The following C11orf58 variants were observed in gnomAD, a reference collection of about 807,000 sequenced individuals.
C11orf58 encodes the protein chromosome 11 open reading frame 58.
Under a neutral mutation model 22.7 loss-of-function variants are expected in C11orf58, and 5 were observed. That is an observed-to-expected ratio of 0.22 (90% CI 0.12 to 0.46). The LOEUF is 0.46. Ranked by LOEUF, C11orf58 falls within the 20% of genes least tolerant of loss-of-function variation. C11orf58 has a pLI of 0.99. For missense variants in C11orf58, 151 were observed against 223.3 expected, an observed-to-expected ratio of 0.68 and a Z score of 2.06; for synonymous variants, 71 against 70.7, an observed-to-expected ratio of 1.00 and a Z score of -0.02.
At chr11:16,739,056 G>C (rs1328459742) in intron 1 of C11orf58, among the ~76,000 whole-genome samples, 9 of 152,120 alleles carry the variant, frequency 5.9e-5, no homozygotes. Context: ...GACCTGCGTA[G>C]GAAGGGGGAT....
chr11:16,741,284 A>G (rs1455746202), intron 1 of C11orf58, among the ~76,000 whole-genome samples: 2 of 152,178 alleles, frequency 1.3e-5, no homozygotes, highest in Non-Finnish European at 2.9e-5. Flanking sequence ...GAAAAACGCT[A>G]ACAATGTAGG....
chr11:16,754,383 T>G (rs971373819), intron 4 of C11orf58, among the ~76,000 whole-genome samples: 6 of 151,752 alleles, frequency 4.0e-5, no homozygotes, highest in Admixed American at 6.6e-5. Context: ...CAGGCTGGAA[T>G]GTAGTGGCAT....
intron 3 of C11orf58, 194 bp downstream of exon 3, chr11:16,748,351 C>A (rs1316097864): frequency 8.6e-6 from 4 of 464,582 alleles, no homozygotes; most frequent in Non-Finnish European, 1.6e-5. Flanking sequence ...TCACTTAAGC[C>A]CAGGAGTTTG....
intron 1 of C11orf58, among the ~76,000 whole-genome samples, chr11:16,742,266 A>G (rs1848454087): frequency 6.6e-6 from 1 of 152,210 alleles, no homozygotes. Flanking sequence ...GATCATGGAC[A>G]GTATGATGTG....
chr11:16,751,722 T>A (rs1848534840), intron 3 of C11orf58: 1 of 152,182 alleles, frequency 6.6e-6, no homozygotes, highest in South Asian at 2.1e-4. Flanking sequence ...AGCTGGCACA[T>A]GATCACCTAT....
rs987481205 is a variant in C11orf58, at chr11:16,757,464, G to C, written c.*2360G>C. Among the ~76,000 whole-genome samples the C allele has an allele frequency of 1.3e-5, 2 of 152,202 alleles. No individual in the cohort carries two copies. Among genetic ancestry groups the C allele is most frequent in the Non-Finnish European group, 2.9e-5 (2 of 68,026 alleles). On this transcript the variant is annotated 3_prime_UTR_variant, in exon 5 of 5. Transcript: ENST00000228136. ...TGGGTGCTAACAAAATTCAGGGTTA[G>C]AGTAAATTTAGGTCTGTTGGTCCAT...
In C11orf58 at chr11:16,744,511, GA is replaced by G. The variant is rs1365403759; in HGVS notation, c.64-83del. 6.3e-5 allele frequency: 64 copies of G among 1,009,966 alleles called. 1 individual carries two copies. Among genetic ancestry groups the G allele is most frequent in the South Asian group, 8.6e-5 (6 of 70,090 alleles). 62.6% of individuals were successfully genotyped at this position (1,009,966 alleles called of 1,614,324 possible). ...CTGTTTATAGTTACAACTGACAGGG[GA>G]AAAAAACTTGAGAGTTACAGGTAGA... On this transcript the variant is annotated intron_variant, in intron 1 of 4. Transcript: ENST00000228136.
At chr11:16,746,999 T>C (rs1848492441) in intron 2 of C11orf58, 1 of 152,194 alleles carries the variant, frequency 6.6e-6, no homozygotes, top group Non-Finnish European at 1.5e-5. Flanking sequence ...TGTTTAGAGG[T>C]ATTCCATTTT....
intron 4 of C11orf58, among the ~76,000 whole-genome samples, chr11:16,754,529 TTC>T (rs1279102286): frequency 2.1e-5 from 3 of 142,956 alleles, no homozygotes; most frequent in East Asian, 2.0e-4. Context: ...TTTTTTTAGT[TTC>T]TCTCTCTCTC....
intron 4 of C11orf58, 130 bp from the exon 5 acceptor site, chr11:16,754,741 A>G (rs1199745467): frequency 7.0e-7 from 1 of 1,431,066 alleles, no homozygotes; most frequent in African/African-American, 1.4e-5. Context: ...AATTCTACTC[A>G]AGTCTTAAAG....
At position 16,741,027 on chromosome 11, in the gene C11orf58, C is replaced by T. The variant is rs552850617; in HGVS notation, c.63+2186C>T. Among the ~76,000 whole-genome samples, 4 of 148,968 alleles carry T rather than the reference C, an allele frequency of 2.7e-5. No individual in the cohort carries two copies. In the South Asian group the frequency reaches 8.5e-4, roughly 32 times the overall value. On this transcript the variant is annotated intron_variant, in intron 1 of 4. Coordinates refer to ENST00000228136, the MANE Select transcript of C11orf58 (RefSeq NM_014267.6). Reference sequence around the variant, plus strand: ...AGGAGAATGGCGTGAACCCGGGAGGCGGAGCTTGCAGTGAGCCAAGATGGC... The same window carrying T: ...AGGAGAATGGCGTGAACCCGGGAGGTGGAGCTTGCAGTGAGCCAAGATGGC...
In C11orf58 at chr11:16,756,965, G is replaced by A; in HGVS notation, c.*1861G>A. On this transcript the variant is annotated 3_prime_UTR_variant, in exon 5 of 5. Coordinates refer to ENST00000228136, the MANE Select transcript of C11orf58 (RefSeq NM_014267.6). ...TTAGAGAAATTTAACAAGTAGAACA[G>A]GTGATTTCTGGTTGATAGACTCTAT... The A allele has an allele frequency of 6.6e-6, 1 of 151,194 alleles. No homozygotes were observed. The highest frequency in any genetic ancestry group is 1.9e-4 in the East Asian group (1 of 5,176). The allele number at this position is 151,194 out of a possible 1,614,324, so 9.4% of individuals were successfully genotyped here.
chr11:16,752,969 C>T (rs1282125549), intron 4 of C11orf58, 75 bp downstream of exon 4: 2 of 1,143,930 alleles, frequency 1.7e-6, no homozygotes, highest in East Asian at 2.5e-5. Flanking sequence ...TTAGATTACC[C>T]TAGCAATCAA....
chr11:16,743,071 A>C (rs1209595950), intron 1 of C11orf58, among the ~76,000 whole-genome samples: 3 of 152,194 alleles, frequency 2.0e-5, no homozygotes, highest in Non-Finnish European at 4.4e-5. Flanking sequence ...AATTTTTGAA[A>C]CCTATTGCTT....
intron 1 of C11orf58, among the ~76,000 whole-genome samples, chr11:16,741,566 C>T (rs1387062409): frequency 2.6e-5 from 4 of 152,216 alleles, no homozygotes; most frequent in Admixed American, 6.5e-5. Context: ...GCAGGGCTCT[C>T]CAACCCCTGG....
intron 1 of C11orf58, 101 bp downstream of exon 1, chr11:16,738,942 G>A: frequency 7.7e-7 from 1 of 1,304,454 alleles, no homozygotes; most frequent in Non-Finnish European, 1.1e-6. Context: ...GTGGCCTGCA[G>A]CGGGAGAGCC....
chr11:16,752,822 T>C lies in C11orf58; in HGVS notation c.246T>C (p.Ser82=), dbSNP rs779687950. 9.9e-6 allele frequency: 16 copies of C among 1,613,022 alleles called. No homozygotes were observed. The South Asian group carries it at 1.5e-4, about 16-fold the overall frequency. ...EDKKINEELE[S]QYQQSMDSKL... ...AGAAAATTAATGAAGAACTGGAGTC[T>C]CAATATCAGCAAAGTATGGACAGTA... Residue 82 remains serine, a synonymous_variant, in exon 4 of 5, where the codon TCT becomes TCC. Transcript: ENST00000228136.
At position 16,756,662 on chromosome 11, in the gene C11orf58, A is replaced by G. The variant is rs1848580274; in HGVS notation, c.*1558A>G. On this transcript the variant is annotated 3_prime_UTR_variant, in exon 5 of 5. Transcript: ENST00000228136. ...GGTGGCTCACACCTATAATCCCAGC[A>G]CTTTGGGAGGCCGAGGTGGCTGGAT... Among the ~76,000 whole-genome samples the G allele has an allele frequency of 6.6e-6, 1 of 151,382 alleles. No homozygotes were observed. Among genetic ancestry groups the G allele is most frequent in the Non-Finnish European group, 1.5e-5 (1 of 67,848 alleles).
At position 16,744,598 on chromosome 11, in the gene C11orf58, T is replaced by C. The variant is rs1442870418; in HGVS notation, c.64-3T>C. The stretch of plus-strand genomic sequence containing the variant: ...AAATTTAATCAACCAATTTTTTTTC[T>C]AGCTGGGATCTAGCAATTGGGAGGC... On this transcript the variant is annotated splice_polypyrimidine_tract_variant and splice_region_variant and intron_variant, in intron 1 of 4. Transcript: ENST00000228136. 3.7e-6 allele frequency: 6 copies of C among 1,611,550 alleles called. No homozygotes were observed. The South Asian group carries it at 5.5e-5, about 15-fold the overall frequency.
Sources: gnomAD v4.1 joint callset for allele counts (sites outside exome capture counted in the v4.1 genomes callset) on GRCh38, gnomAD v4.1.1 for gene constraint, MANE v1.5 for transcripts, NCBI Gene and HGNC (gene_info 2026-07-23, HGNC 2026-07-21) for gene names.